The following TENM3 variants were observed in gnomAD, a reference collection of about 807,000 sequenced individuals.
TENM3 encodes teneurin transmembrane protein 3, also known as teneurin-3.
A neutral mutation model predicts 255.1 loss-of-function variants in TENM3; 63 were observed. That is an observed-to-expected ratio of 0.25 (90% confidence interval 0.20 to 0.30). The LOEUF is 0.30. Ranked by LOEUF, TENM3 falls within the 10% of genes least tolerant of loss-of-function variation. The pLI is 1.00. For synonymous variants in TENM3, 1,306 were observed against 1,322.3 expected (o/e 0.99, Z 0.27); for missense variants, 2,929 against 3,461.1 (o/e 0.85, Z 3.86).
the TENM3 span, among the ~76,000 whole-genome samples, chr4:182,090,757 C>A: frequency 6.6e-6 from 1 of 152,156 alleles, no homozygotes; most frequent in South Asian, 2.1e-4. Context: ...CCACATTTAG[C>A]CCTAGAAATG....
At chr4:181,914,750 G>T in the TENM3 span, among the ~76,000 whole-genome samples, 1 of 152,126 alleles carries the variant, frequency 6.6e-6, no homozygotes, top group Non-Finnish European at 1.5e-5. Flanking sequence ...GAAGAAGACA[G>T]GATGAATGAT....
the TENM3 span, among the ~76,000 whole-genome samples, chr4:181,583,482 T>C: frequency 6.6e-6 from 1 of 152,210 alleles, no homozygotes; most frequent in Non-Finnish European, 1.5e-5. Context: ...AAATTGTATA[T>C]CCACCCTAAT....
At chr4:181,710,616 A>G in the TENM3 span, among the ~76,000 whole-genome samples, 1 of 152,004 alleles carries the variant, frequency 6.6e-6, no homozygotes. Context: ...TCGGGAGGCC[A>G]GAGGCTGAGG....
At chr4:181,817,631 G>C in the TENM3 span, among the ~76,000 whole-genome samples, 2 of 152,126 alleles carry the variant, frequency 1.3e-5, no homozygotes, top group Non-Finnish European at 2.9e-5. Flanking sequence ...GGTTACAAAG[G>C]CTCACCCTCA....
chr4:181,786,016 A>C, the TENM3 span, among the ~76,000 whole-genome samples: 1 of 152,224 alleles, frequency 6.6e-6, no homozygotes, highest in Non-Finnish European at 1.5e-5. Context: ...GGCTGTAAGG[A>C]AAACATTATA....
chr4:182,607,114 C>T (rs879756389), intron 4 of TENM3, among the ~76,000 whole-genome samples: 1 of 152,160 alleles, frequency 6.6e-6, no homozygotes, highest in Admixed American at 6.5e-5. Flanking sequence ...AAGTGGAGCA[C>T]GTGGCACATG....
chr4:182,068,508 A>T, the TENM3 span, among the ~76,000 whole-genome samples: 1 of 152,142 alleles, frequency 6.6e-6, no homozygotes, highest in East Asian at 1.9e-4. Context: ...AAATGAGGAA[A>T]GGTTTTCATT....
the TENM3 span, among the ~76,000 whole-genome samples, chr4:181,544,550 G>GGCTGCCCCCTGCCGCTCACTTCTGA: frequency 1.2e-3 from 176 of 151,994 alleles, 1 homozygote; most frequent in African/African-American, 4.0e-3. Flanking sequence ...CCCACTTCTG[G>GGCTGCCCCCTGCCGCTCACTTCTGA]GCTGCCCCCT....
chr4:182,616,295 T>A (rs1749508788), intron 4 of TENM3, among the ~76,000 whole-genome samples: 1 of 151,346 alleles, frequency 6.6e-6, no homozygotes, highest in African/African-American at 2.4e-5. Flanking sequence ...TATGCGGTGT[T>A]TGGTTTTTTG....
intron 1 of TENM3, among the ~76,000 whole-genome samples, chr4:182,163,454 C>T (rs931723023): frequency 6.6e-6 from 1 of 152,152 alleles, no homozygotes; most frequent in Non-Finnish European, 1.5e-5. Flanking sequence ...AAGCACGAGG[C>T]GAGTCTTCCC....
chr4:181,606,255 G>A, the TENM3 span, among the ~76,000 whole-genome samples: 4 of 152,212 alleles, frequency 2.6e-5, no homozygotes, highest in South Asian at 6.2e-4. Context: ...GACAGTCAAT[G>A]TCCATGTTGT....
At chr4:182,139,136 T>G (rs1358120020), upstream of TENM3, among the ~76,000 whole-genome samples, 1 of 152,124 alleles carries the variant, frequency 6.6e-6, no homozygotes, top group Non-Finnish European at 1.5e-5. Context: ...GCCCCTACAC[T>G]CCAAGAGTGC....
chr4:182,612,496 T>C (rs1399738508), intron 4 of TENM3, among the ~76,000 whole-genome samples: 1 of 152,168 alleles, frequency 6.6e-6, no homozygotes, highest in Non-Finnish European at 1.5e-5. Context: ...TAAAATATTA[T>C]AAAAGCTTAA....
At chr4:181,939,329 G>A in the TENM3 span, among the ~76,000 whole-genome samples, 1 of 152,188 alleles carries the variant, frequency 6.6e-6, no homozygotes, top group Non-Finnish European at 1.5e-5. Context: ...GTGTGCTCTA[G>A]AATCGGCGTG....
upstream of TENM3, chr4:182,142,786 A>G (rs541787464): frequency 6.1e-6 from 1 of 164,952 alleles, no homozygotes; most frequent in Admixed American, 6.5e-5. Context: ...TCGGGCGCGC[A>G]CCAGGGAGCC....
chr4:181,490,243 G>A, the TENM3 span, among the ~76,000 whole-genome samples: 101 of 152,222 alleles, frequency 6.6e-4, 1 homozygote, highest in East Asian at 0.017. Flanking sequence ...TTGTGCAACT[G>A]AACATAACCT....
the TENM3 span, among the ~76,000 whole-genome samples, chr4:181,757,551 C>G: frequency 1.1e-4 from 17 of 152,140 alleles, no homozygotes; most frequent in Admixed American, 1.1e-3. Flanking sequence ...CAATTTTTCT[C>G]TCTAAGAAAG....
At chr4:182,153,199 C>A (rs572540920) in intron 1 of TENM3, among the ~76,000 whole-genome samples, 1 of 151,684 alleles carries the variant, frequency 6.6e-6, no homozygotes, top group Non-Finnish European at 1.5e-5. Flanking sequence ...TTAGATGATC[C>A]GATAATTCTG....
the TENM3 span, among the ~76,000 whole-genome samples, chr4:181,605,514 GAAAGAAAGAA>G: frequency 8.6e-4 from 15 of 17,528 alleles, no homozygotes; most frequent in Admixed American, 0.013. Flanking sequence ...AAGAAAGAAA[GAAAGAAAGAA>G]AGAAAGAAAG....
Sources: allele counts gnomAD v4.1 joint callset (sites outside exome capture counted in the v4.1 genomes callset), GRCh38; gene constraint gnomAD v4.1.1; transcripts MANE v1.5; gene names NCBI Gene and HGNC (gene_info 2026-07-23, HGNC 2026-07-21).